MAN1C1: variants seen among roughly 807,000 people sequenced by gnomAD.
MAN1C1 encodes mannosidase alpha class 1C member 1.
In MAN1C1, 49 loss-of-function variants were observed where a neutral mutation model predicts 71.5. The observed-to-expected ratio is 0.69, with a 90% CI of 0.54 to 0.87. MAN1C1 has a LOEUF of 0.87. Ranked by LOEUF, MAN1C1 falls within the 40% of genes least tolerant of loss-of-function variation. The pLI is 0.00. For missense variants in MAN1C1, 743 were observed against 835.0 expected (o/e 0.89, Z 1.36); for synonymous variants, 352 against 343.7 (o/e 1.02, Z -0.27).
chr1:25,742,575 G>C (rs538745658), intron 2 of MAN1C1, among the ~76,000 whole-genome samples: 110 of 152,330 alleles, frequency 7.2e-4, no homozygotes, highest in African/African-American at 2.5e-3. Flanking sequence ...CCCAGTGCCA[G>C]TAGGGGCAAG....
chr1:25,617,790 G>C lies in MAN1C1; in HGVS notation c.-8G>C, dbSNP rs751786369. 1.3e-6 allele frequency: 2 copies of C among 1,582,584 alleles called. No individual in the cohort carries two copies. Among genetic ancestry groups the C allele is most frequent in the Non-Finnish European group, 1.7e-6 (2 of 1,168,152 alleles). On this transcript the variant is annotated 5_prime_UTR_variant, in exon 1 of 12. Transcript: ENST00000374332. The surrounding 1 kb of genome is among the most constrained non-coding windows in gnomAD (Gnocchi z 5.1). ...CCGAGGGCTTCTGGAGCCACCGGCC[G>C]GGCCACGATGCTCATGAGGAAAGTG...
At chr1:25,773,246 G>A (rs917453042) in intron 8 of MAN1C1, among the ~76,000 whole-genome samples, 15 of 152,064 alleles carry the variant, frequency 9.9e-5, no homozygotes, top group Admixed American at 3.3e-4. Context: ...GATGGATGGA[G>A]GGAAGGATGG....
intron 6 of MAN1C1, chr1:25,761,414 A>G (rs2047356928): frequency 6.6e-6 from 1 of 152,150 alleles, no homozygotes; most frequent in Non-Finnish European, 1.5e-5. Context: ...TTAAATGGCC[A>G]GAATACTTAA....
rs1219208392 is a variant in MAN1C1, at chr1:25,711,776, C to T, written c.637+25240C>T. ...GTCTTGGTGGGAGGAAGTGATCAGT[C>T]TTTGCAAGCCGTGCTGTCCTGTGTG... On this transcript the variant is annotated intron_variant, in intron 2 of 11. Transcript: ENST00000374332. The surrounding 1 kb of genome is among the most constrained non-coding windows in gnomAD (Gnocchi z 4.3). Among the ~76,000 whole-genome samples, 2 of 152,098 alleles carry T rather than the reference C, an allele frequency of 1.3e-5. No homozygotes were observed. Among genetic ancestry groups the T allele is most frequent in the Admixed American group, 1.3e-4 (2 of 15,264 alleles).
chr1:25,660,231 G>A (rs890971538), intron 1 of MAN1C1, among the ~76,000 whole-genome samples: 4 of 151,744 alleles, frequency 2.6e-5, no homozygotes, highest in East Asian at 3.9e-4. Context: ...GAGAAACCCC[G>A]TCTCTACTAA....
chr1:25,707,759 C>T (rs2046543949), intron 2 of MAN1C1, among the ~76,000 whole-genome samples: 1 of 152,160 alleles, frequency 6.6e-6, no homozygotes, highest in Non-Finnish European at 1.5e-5. Flanking sequence ...ATTTACATTG[C>T]TTGTAATTGT....
chr1:25,753,674 C>T lies in MAN1C1; in HGVS notation c.929+96C>T. On this transcript the variant is annotated intron_variant, in intron 5 of 11. Transcript: ENST00000374332. This position sits in a 1 kb window ranked among gnomAD's most constrained non-coding sequence, Gnocchi z 4.9. ...GGTGCTGGTGAGGAGGCTCCAGGGG[C>T]AGTAGGCAGGCAAGCAGGAGGGGGG... 9.1e-7 allele frequency: 1 copy of T among 1,093,562 alleles called. No individual in the cohort carries two copies. The highest frequency in any genetic ancestry group is 1.3e-6 in the Non-Finnish European group (1 of 754,334). The allele number at this position is 1,093,562 out of a possible 1,614,324, so 67.7% of individuals were successfully genotyped here.
At chr1:25,737,786 G>A (rs1417188227) in intron 2 of MAN1C1, among the ~76,000 whole-genome samples, 1 of 152,104 alleles carries the variant, frequency 6.6e-6, no homozygotes, top group Non-Finnish European at 1.5e-5. Context: ...TATGAGCCAA[G>A]GCCAGAAAGA....
At chr1:25,757,907 T>TA (rs935150021) in intron 5 of MAN1C1, among the ~76,000 whole-genome samples, 108 of 152,248 alleles carry the variant, frequency 7.1e-4, no homozygotes, top group Non-Finnish European at 1.3e-3. Flanking sequence ...GTGCCTTGTT[T>TA]ACCGCGTTTG....
intron 2 of MAN1C1, among the ~76,000 whole-genome samples, chr1:25,707,797 A>G (rs1169546265): frequency 6.6e-6 from 1 of 152,254 alleles, no homozygotes; most frequent in East Asian, 1.9e-4. Context: ...CAAACAGTTA[A>G]GATGCAGGCG....
chr1:25,757,504 G>T (rs865794950), intron 5 of MAN1C1, among the ~76,000 whole-genome samples: 985 of 6,348 alleles, frequency 0.16, 17 homozygotes, highest in African/African-American at 0.41. Context: ...GAGGCACGGG[G>T]GGGGGGGGCA....
At chr1:25,636,373 G>T (rs59669954) in intron 1 of MAN1C1, among the ~76,000 whole-genome samples, 13,269 of 152,108 alleles carry the variant, frequency 0.087, 1,285 homozygotes, top group East Asian at 0.22. Flanking sequence ...CACTCCCAGA[G>T]CGGCCGTTTA....
At chr1:25,759,248 C>T (rs950613828) in intron 6 of MAN1C1, 10 of 165,404 alleles carry the variant, frequency 6.0e-5, no homozygotes, top group Non-Finnish European at 1.2e-4. Context: ...GAGCTTAGAA[C>T]ACCAATCAGC....
At chr1:25,695,443 G>A (rs184479114) in intron 2 of MAN1C1, among the ~76,000 whole-genome samples, 262 of 152,206 alleles carry the variant, frequency 1.7e-3, no homozygotes, top group African/African-American at 6.0e-3. Flanking sequence ...CAGATGCTAC[G>A]GCCCCATGGT....
intron 2 of MAN1C1, among the ~76,000 whole-genome samples, chr1:25,702,475 G>A (rs576070998): frequency 2.0e-5 from 3 of 152,258 alleles, no homozygotes; most frequent in Admixed American, 6.5e-5. Context: ...AGCTCCTCAG[G>A]GCCCATCCCC....
chr1:25,682,114 A>C (rs565283585), intron 1 of MAN1C1, among the ~76,000 whole-genome samples: 1 of 152,346 alleles, frequency 6.6e-6, no homozygotes, highest in African/African-American at 2.4e-5. Context: ...AATGACATCA[A>C]AACAAACAAA....
Position 25,763,983 on chromosome 1 carries a change from C to T in MAN1C1, c.1141+16C>T. The T allele has an allele frequency of 3.7e-6, 6 of 1,601,226 alleles. No individual in the cohort carries two copies. The highest frequency in any genetic ancestry group is 5.1e-6 in the Non-Finnish European group (6 of 1,168,596). ...TGGGTGCAACGTGAGTACAGAGACGCCACTGCCCCTTATTCAGCGGGTTCC... is the reference window on the plus strand; with the variant it reads ...TGGGTGCAACGTGAGTACAGAGACGTCACTGCCCCTTATTCAGCGGGTTCC... On this transcript the variant is annotated intron_variant, in intron 7 of 11. Transcript: ENST00000374332.
intron 1 of MAN1C1, among the ~76,000 whole-genome samples, chr1:25,649,971 G>T (rs2045669116): frequency 6.6e-6 from 1 of 152,092 alleles, no homozygotes; most frequent in Non-Finnish European, 1.5e-5. Flanking sequence ...AAAACTCTAG[G>T]ATGCTCCATC....
chr1:25,635,389 T>G (rs536728530), intron 1 of MAN1C1, among the ~76,000 whole-genome samples: 1 of 152,076 alleles, frequency 6.6e-6, no homozygotes, highest in East Asian at 1.9e-4. Flanking sequence ...GTTGTAAAAT[T>G]TATTGGTCTA....
Sources: allele counts gnomAD v4.1 joint callset (sites outside exome capture counted in the v4.1 genomes callset), GRCh38; gene constraint gnomAD v4.1.1; non-coding constraint Gnocchi (gnomAD v3.1); transcripts MANE v1.5; gene names NCBI Gene and HGNC (gene_info 2026-07-23, HGNC 2026-07-21).